The following FHIP1A variants were observed in gnomAD, a reference collection of about 807,000 sequenced individuals.
FHIP1A encodes the protein FHF complex subunit HOOK interacting protein 1A.
FHIP1A carries 61 observed loss-of-function variants against 88.6 expected under a neutral mutation model. That is an observed-to-expected ratio of 0.69 (90% CI 0.56 to 0.85). The LOEUF is 0.85. Among genes scored for constraint, FHIP1A ranks in the 40% least tolerant of loss-of-function variants. The pLI is 0.00. For missense variants in FHIP1A, 1,154 were observed against 1,273.5 expected, an observed-to-expected ratio of 0.91 and a Z score of 1.43; for synonymous variants, 478 against 496.0, an observed-to-expected ratio of 0.96 and a Z score of 0.48.
chr4:151,436,739 T>G (rs1375503386), intron 1 of FHIP1A, among the ~76,000 whole-genome samples: 3 of 152,320 alleles, frequency 2.0e-5, no homozygotes, highest in Non-Finnish European at 2.9e-5. Flanking sequence ...CTTTGTAGAA[T>G]CATATGAATA....
chr4:151,436,616 T>C (rs1728211089), intron 1 of FHIP1A: 1 of 152,196 alleles, frequency 6.6e-6, no homozygotes, highest in Admixed American at 6.5e-5. Context: ...TCCAGGACTT[T>C]TCCAGTTTTA....
chr4:151,666,125 T>C lies in FHIP1A; in HGVS notation c.*3371T>C, dbSNP rs1352318435. On this transcript the variant is annotated 3_prime_UTR_variant, in exon 14 of 14. Transcript: ENST00000435205. ...AGAGCACTGGGATATTTAAAATTGA[T>C]TTTTTGGAAATGGCCAAGTAAATGT... 6.6e-6 allele frequency among the ~76,000 whole-genome samples: 1 copy of C among 152,222 alleles called. No individual in the cohort carries two copies. Among genetic ancestry groups the C allele is most frequent in the Non-Finnish European group, 1.5e-5 (1 of 68,048 alleles).
chr4:151,654,133 C>T (rs776997763), intron 11 of FHIP1A, among the ~76,000 whole-genome samples: 1 of 150,378 alleles, frequency 6.6e-6, no homozygotes, highest in Non-Finnish European at 1.5e-5. Flanking sequence ...AGTTTTAATA[C>T]ATTTTTAATT....
chr4:151,577,991 G>A lies in FHIP1A; in HGVS notation c.647G>A (p.Arg216Gln), dbSNP rs185952321. Residue 216 changes from arginine (R) to glutamine (Q), a missense_variant, in exon 5 of 14, where the codon CGG becomes CAG. Arg to Gln is a conservative substitution (Grantham distance 43, BLOSUM62 1). Transcript: ENST00000435205. ...HREGSVGQQA[R>Q]DALLFIMSLS... ...GAGGGGTCAGTAGGCCAGCAAGCTC[G>A]GGATGCATTGCTCTTCATCATGTCT... The A allele has an allele frequency of 3.7e-3, 5,792 of 1,550,746 alleles. 10 individuals are homozygous for A. The highest frequency in any genetic ancestry group is 4.9e-3 in the Admixed American group (250 of 50,920).
chr4:151,540,971 C>T (rs114958843), intron 3 of FHIP1A, among the ~76,000 whole-genome samples: 16 of 152,288 alleles, frequency 1.1e-4, no homozygotes, highest in African/African-American at 2.6e-4. Context: ...GAGTGAGACA[C>T]AGTAGAATAA....
At chr4:151,586,998 A>G (rs1468801536) in intron 6 of FHIP1A, among the ~76,000 whole-genome samples, 199 bp downstream of exon 6, 1 of 152,228 alleles carries the variant, frequency 6.6e-6, no homozygotes, top group Non-Finnish European at 1.5e-5. Flanking sequence ...CTGAGAAAAA[A>G]AATGAGTAGA....
intron 1 of FHIP1A, among the ~76,000 whole-genome samples, chr4:151,431,700 T>C (rs904205862): frequency 6.6e-6 from 1 of 152,234 alleles, no homozygotes; most frequent in African/African-American, 2.4e-5. Context: ...TAATACTTTC[T>C]AAACATAATC....
chr4:151,501,333 G>C lies in FHIP1A; in HGVS notation c.-123+18685G>C, dbSNP rs150611563. ...GGTAATTCTATATTTAGCTTTTTGA[G>C]GAACCACCAGACTTTTTCACAATGC... is the stretch of plus-strand genomic sequence containing the variant. On this transcript the variant is annotated intron_variant, in intron 3 of 13. Transcript: ENST00000435205. Among the ~76,000 whole-genome samples the C allele has an allele frequency of 3.7e-4, 56 of 152,038 alleles. 2 individuals are homozygous for C. In the East Asian group the frequency reaches 0.011, roughly 29 times the overall value.
chr4:151,453,221 G>T (rs1219295350), intron 1 of FHIP1A, among the ~76,000 whole-genome samples: 2 of 152,040 alleles, frequency 1.3e-5, no homozygotes, highest in Non-Finnish European at 2.9e-5. Context: ...TCACCATGTT[G>T]GCCAGGCTGA....
At chr4:151,546,831 C>T (rs1732520677) in intron 3 of FHIP1A, among the ~76,000 whole-genome samples, 1 of 152,100 alleles carries the variant, frequency 6.6e-6, no homozygotes, top group Non-Finnish European at 1.5e-5. Context: ...GTCTTTATCT[C>T]AAAAAATGTT....
In FHIP1A at chr4:151,514,519, G is replaced by T. The variant is rs1028156898; in HGVS notation, c.-123+31871G>T. Among the ~76,000 whole-genome samples, 133 of 151,718 alleles carry T rather than the reference G, an allele frequency of 8.8e-4. 1 individual carries two copies. The highest frequency in any genetic ancestry group is 3.1e-3 in the African/African-American group (130 of 41,384). ...AAAAAATTAATGAATCCAGGAGCTG[G>T]TTTTTTGAAAGGATCAACAAAATTG... On this transcript the variant is annotated intron_variant, in intron 3 of 13. Coordinates refer to ENST00000435205, the MANE Select transcript of FHIP1A (RefSeq NM_001109977.3).
chr4:151,478,817 A>G (rs1353705555), intron 2 of FHIP1A, among the ~76,000 whole-genome samples: 2 of 152,152 alleles, frequency 1.3e-5, no homozygotes, highest in Non-Finnish European at 2.9e-5. Context: ...CACATTGGGA[A>G]ACATCACTTT....
chr4:151,518,636 T>TCCCTCCCTCCCC (rs1201563361), intron 3 of FHIP1A, among the ~76,000 whole-genome samples: 1 of 68,532 alleles, frequency 1.5e-5, no homozygotes, highest in African/African-American at 6.2e-5. Context: ...ACTATCCATT[T>TCCCTCCCTCCCC]CCCTCCCTCC....
In FHIP1A at chr4:151,578,054, T is replaced by C; in HGVS notation, c.710T>C (p.Val237Ala). 1 of 1,550,758 alleles carries C rather than the reference T, an allele frequency of 6.4e-7. No individual in the cohort carries two copies. The highest frequency in any genetic ancestry group is 1.2e-5 in the South Asian group (1 of 84,024). The change falls in exon 5 of 14, where the codon GTG (valine) becomes GCG (alanine). Residue 237 changes from valine (V) to alanine (A), a missense_variant. Val to Ala is a moderately conservative substitution (Grantham distance 64). Transcript: ENST00000435205. Reference protein sequence around the residue: ...AENTMVAHHIVENTYFCPVLA... With the variant: ...AENTMVAHHIAENTYFCPVLA... ...AACACCATGGTGGCCCATCACATCG[T>C]GGAGAACACCTACTTTTGTCCAGTA...
chr4:151,569,217 TCTGTTACCTG>T (rs1327107195), intron 4 of FHIP1A, among the ~76,000 whole-genome samples: 6 of 152,256 alleles, frequency 3.9e-5, no homozygotes, highest in Admixed American at 2.0e-4. Flanking sequence ...TGCCCAGGTG[TCTGTTACCTG>T]CCCAGTGTAA....
chr4:151,514,708 A>C (rs1190837246), intron 3 of FHIP1A, among the ~76,000 whole-genome samples: 2 of 152,078 alleles, frequency 1.3e-5, no homozygotes, highest in African/African-American at 4.8e-5. Context: ...ATCTAGAAGA[A>C]ATGGATAAAT....
chr4:151,454,418 A>G (rs569578882), intron 1 of FHIP1A, among the ~76,000 whole-genome samples: 9 of 152,176 alleles, frequency 5.9e-5, no homozygotes, highest in Non-Finnish European at 1.3e-4. Context: ...AAATGCAGGC[A>G]TTTTCCACTA....
intron 2 of FHIP1A, among the ~76,000 whole-genome samples, chr4:151,472,646 A>G (rs1281588098): frequency 3.4e-5 from 5 of 146,666 alleles, no homozygotes; most frequent in African/African-American, 7.6e-5. Context: ...TTTTGTAGCA[A>G]CTACTTCATT....
chr4:151,467,979 C>T (rs1375213919), intron 2 of FHIP1A, among the ~76,000 whole-genome samples: 1 of 131,142 alleles, frequency 7.6e-6, no homozygotes, highest in African/African-American at 2.9e-5. Flanking sequence ...ACATGTATCC[C>T]GGAACTTAAA....
Sources: allele counts gnomAD v4.1 joint callset (sites outside exome capture counted in the v4.1 genomes callset), GRCh38; gene constraint gnomAD v4.1.1; transcripts MANE v1.5; gene names NCBI Gene and HGNC (gene_info 2026-07-23, HGNC 2026-07-21).